The following CRACDL variants were observed in gnomAD, a reference collection of about 807,000 sequenced individuals.
CRACDL encodes the protein CRACD-like protein.
Under a neutral mutation model 70.6 loss-of-function variants are expected in CRACDL, and 26 were observed. The observed-to-expected ratio is 0.37, with a 90% CI of 0.27 to 0.51. The LOEUF is 0.51. Ranked by LOEUF, CRACDL falls within the 20% of genes least tolerant of loss-of-function variation. The probability of loss-of-function intolerance (pLI) is 0.94; values close to 1 mark genes in which losing one functional copy is unlikely to be tolerated. For synonymous variants in CRACDL, 618 were observed against 615.2 expected, an observed-to-expected ratio of 1.00 and a Z score of -0.07; for missense variants, 1,283 against 1,376.9, an observed-to-expected ratio of 0.93 and a Z score of 1.08.
intron 1 of CRACDL, among the ~76,000 whole-genome samples, chr2:98,895,833 C>T (rs367598577): frequency 5.9e-5 from 9 of 152,154 alleles, no homozygotes; most frequent in African/African-American, 1.9e-4. Flanking sequence ...GTGGTGGAGG[C>T]TCTGAGAGGT....
At chr2:98,853,108 G>A (rs894318840) in intron 1 of CRACDL, among the ~76,000 whole-genome samples, 1 of 152,136 alleles carries the variant, frequency 6.6e-6, no homozygotes. Flanking sequence ...CTCCAAAATG[G>A]TGGAAAAGAT....
chr2:98,841,086 T>G (rs979102074), intron 2 of CRACDL, among the ~76,000 whole-genome samples: 13 of 152,332 alleles, frequency 8.5e-5, no homozygotes, highest in African/African-American at 3.1e-4. Flanking sequence ...GGATAAGGGA[T>G]ACTCAATCTG....
At chr2:98,891,407 C>CAAAAAAAAAAAAAAAAA (rs1707978089) in intron 1 of CRACDL, among the ~76,000 whole-genome samples, 5 of 90,456 alleles carry the variant, frequency 5.5e-5, no homozygotes, top group African/African-American at 2.6e-4. Flanking sequence ...AAAAAAAAAT[C>CAAAAAAAAAAAAAAAAA]CAAACTTTGG....
chr2:98,931,179 G>C (rs146603042), intron 1 of CRACDL, among the ~76,000 whole-genome samples: 3,065 of 152,184 alleles, frequency 0.02, 40 homozygotes, highest in Middle Eastern at 0.044. Context: ...ACAAAAATTT[G>C]CCAGGTGTGG....
At chr2:98,818,210 A>T (rs749946130) in intron 7 of CRACDL, among the ~76,000 whole-genome samples, 2 of 152,210 alleles carry the variant, frequency 1.3e-5, no homozygotes, top group African/African-American at 2.4e-5. Context: ...GCTTATAAAC[A>T]GGGCTCCTCT....
intron 7 of CRACDL, among the ~76,000 whole-genome samples, chr2:98,803,768 C>T (rs989968134): frequency 2.0e-5 from 3 of 152,216 alleles, no homozygotes; most frequent in African/African-American, 7.2e-5. Flanking sequence ...TCACAGCCAG[C>T]TGTGCTAGAA....
chr2:98,902,501 G>C (rs1369750584), intron 1 of CRACDL, among the ~76,000 whole-genome samples: 1 of 152,174 alleles, frequency 6.6e-6, no homozygotes, highest in Non-Finnish European at 1.5e-5. Flanking sequence ...GGGGGTGTCA[G>C]GGGCTCCTGA....
At chr2:98,897,911 C>T (rs1010448029) in intron 1 of CRACDL, among the ~76,000 whole-genome samples, 4 of 152,316 alleles carry the variant, frequency 2.6e-5, no homozygotes, top group East Asian at 3.9e-4. Context: ...TGAGGTTCAG[C>T]GGCTGGCTTA....
At chr2:98,874,485 C>A (rs1336763440) in intron 1 of CRACDL, among the ~76,000 whole-genome samples, 1 of 152,202 alleles carries the variant, frequency 6.6e-6, no homozygotes, top group African/African-American at 2.4e-5. Flanking sequence ...TTGCACCTTG[C>A]GCCTCGTGGG....
At chr2:98,834,198 C>T (rs977985534) in intron 3 of CRACDL, among the ~76,000 whole-genome samples, 6 of 152,204 alleles carry the variant, frequency 3.9e-5, no homozygotes, top group Admixed American at 2.6e-4. Context: ...CAAGCACCTC[C>T]GCTTTGGATG....
chr2:98,803,611 A>G (rs1164317110), intron 7 of CRACDL, among the ~76,000 whole-genome samples: 1 of 152,240 alleles, frequency 6.6e-6, no homozygotes, highest in Non-Finnish European at 1.5e-5. Context: ...ACTTTGGCAT[A>G]TGCTACTTCC....
At chr2:98,895,422 A>G (rs1708093178) in intron 1 of CRACDL, among the ~76,000 whole-genome samples, 1 of 152,220 alleles carries the variant, frequency 6.6e-6, no homozygotes, top group Non-Finnish European at 1.5e-5. Flanking sequence ...AAAACATACC[A>G]GACAAATACG....
chr2:98,882,566 T>C (rs770116703), intron 1 of CRACDL, among the ~76,000 whole-genome samples: 5 of 152,214 alleles, frequency 3.3e-5, no homozygotes, highest in Admixed American at 3.3e-4. Context: ...CTGGGGACTC[T>C]GTTGGGAGTC....
At chr2:98,894,169 C>A (rs371256427) in intron 1 of CRACDL, among the ~76,000 whole-genome samples, 2 of 152,214 alleles carry the variant, frequency 1.3e-5, no homozygotes, top group Non-Finnish European at 2.9e-5. Flanking sequence ...AGCTCTGATT[C>A]AAGACACTTC....
intron 1 of CRACDL, among the ~76,000 whole-genome samples, chr2:98,931,742 C>G (rs1180571932): frequency 6.6e-6 from 1 of 152,166 alleles, no homozygotes; most frequent in Non-Finnish European, 1.5e-5. Context: ...AGAATCCTTC[C>G]TACCAGCAGT....
chr2:98,808,054 G>C (rs764701601), intron 7 of CRACDL, among the ~76,000 whole-genome samples: 1 of 152,194 alleles, frequency 6.6e-6, no homozygotes, highest in South Asian at 2.1e-4. Flanking sequence ...CTGTGACTGA[G>C]GAACTGCATT....
At chr2:98,831,761 C>T (rs1416495490) in intron 5 of CRACDL, among the ~76,000 whole-genome samples, 1 of 152,170 alleles carries the variant, frequency 6.6e-6, no homozygotes, top group African/African-American at 2.4e-5. Flanking sequence ...TCGGGGCCCC[C>T]CTCTTGGATT....
intron 1 of CRACDL, among the ~76,000 whole-genome samples, chr2:98,894,478 T>C (rs1319309023): frequency 6.6e-6 from 1 of 152,202 alleles, no homozygotes; most frequent in Non-Finnish European, 1.5e-5. Context: ...TCCCCGGAGT[T>C]ACCTAAAGTC....
At chr2:98,817,838 T>C (rs1415161300) in intron 7 of CRACDL, among the ~76,000 whole-genome samples, 3 of 152,134 alleles carry the variant, frequency 2.0e-5, no homozygotes, top group African/African-American at 7.2e-5. Flanking sequence ...GGTTATCAAA[T>C]GAGGTCCCCA....
Sources: gnomAD v4.1 joint callset for allele counts (sites outside exome capture counted in the v4.1 genomes callset) on GRCh38, gnomAD v4.1.1 for gene constraint, MANE v1.5 for transcripts, NCBI Gene and HGNC (gene_info 2026-07-23, HGNC 2026-07-21) for gene names.